Variants in DPP6 observed in about 807,000 individuals in gnomAD.
The protein encoded by DPP6 is A-type potassium channel modulatory protein DPP6.
Under a neutral mutation model 122.6 loss-of-function variants are expected in DPP6, and 69 were observed. The observed-to-expected ratio is 0.56, with a 90% CI of 0.46 to 0.69. The LOEUF (loss-of-function observed/expected upper bound fraction) is 0.69, where lower values mean the gene tolerates loss of function less well. Ranked by LOEUF, DPP6 falls within the 30% of genes least tolerant of loss-of-function variation. The pLI is 0.00. For missense variants in DPP6, 928 were observed against 1,116.9 expected (o/e 0.83, Z 2.41); for synonymous variants, 418 against 433.1 (o/e 0.97, Z 0.43).
At chr7:154,779,030 AC>A (rs1563201072) in intron 10 of DPP6, among the ~76,000 whole-genome samples, 10 of 138,070 alleles carry the variant, frequency 7.2e-5, no homozygotes, top group South Asian at 2.3e-4. Flanking sequence ...CATCACCTCC[AC>A]CACCACCACC....
intron 1 of DPP6, among the ~76,000 whole-genome samples, chr7:153,975,010 G>A (rs1247324996): frequency 6.6e-6 from 1 of 152,162 alleles, no homozygotes; most frequent in Non-Finnish European, 1.5e-5. Context: ...TTCGAATCCT[G>A]TTTCAGGGAA....
chr7:154,357,275 CTTTT>C (rs35476633), intron 1 of DPP6, among the ~76,000 whole-genome samples: 1 of 120,880 alleles, frequency 8.3e-6, no homozygotes. Flanking sequence ...TAATGTGGGG[CTTTT>C]TTTTTTTTTT....
At chr7:154,786,210 C>CT (rs1284221158) in intron 10 of DPP6, among the ~76,000 whole-genome samples, 2 of 152,162 alleles carry the variant, frequency 1.3e-5, no homozygotes, top group Admixed American at 6.5e-5. Flanking sequence ...AAAAATGTCT[C>CT]TTTTTTCACA....
intron 1 of DPP6, among the ~76,000 whole-genome samples, chr7:153,919,271 T>A (rs1443787950): frequency 6.6e-6 from 1 of 152,124 alleles, no homozygotes; most frequent in Non-Finnish European, 1.5e-5. Context: ...CTTGCACCAG[T>A]GGAAGATTGG....
chr7:154,154,998 C>T (rs1035219690), intron 1 of DPP6, among the ~76,000 whole-genome samples: 7 of 152,134 alleles, frequency 4.6e-5, no homozygotes, highest in Non-Finnish European at 1.0e-4. Context: ...CTGGGCAGCC[C>T]TGGGCTGTGG....
At chr7:154,308,314 T>TAAA (rs5888568) in intron 1 of DPP6, among the ~76,000 whole-genome samples, 8,559 of 151,298 alleles carry the variant, frequency 0.057, 379 homozygotes, top group African/African-American at 0.12. Flanking sequence ...CCGTGTTTGC[T>TAAA]AAAAAAAATG....
chr7:154,094,795 T>A (rs780533433), intron 1 of DPP6: 13 of 152,210 alleles, frequency 8.5e-5, no homozygotes, highest in Non-Finnish European at 1.9e-4. Flanking sequence ...GCCTTCTTGT[T>A]GGCAGGCCTC....
intron 5 of DPP6, among the ~76,000 whole-genome samples, chr7:154,611,855 A>G (rs3220435): frequency 0.031 from 2,257 of 72,396 alleles, 55 homozygotes; most frequent in African/African-American, 0.073. Flanking sequence ...GCTTTCATAT[A>G]TGTGTGTGTG....
At chr7:154,652,236 GCAT>G in intron 6 of DPP6, among the ~76,000 whole-genome samples, 1 of 151,776 alleles carries the variant, frequency 6.6e-6, no homozygotes, top group Non-Finnish European at 1.5e-5. Flanking sequence ...ATTAGCCATA[GCAT>G]CAAAATCACT....
At chr7:154,408,458 A>G (rs1816304782) in intron 1 of DPP6, among the ~76,000 whole-genome samples, 2 of 152,070 alleles carry the variant, frequency 1.3e-5, no homozygotes, top group African/African-American at 4.8e-5. Context: ...TTCAATATAT[A>G]TTTTTATATT....
At chr7:154,046,097 G>A (rs1280014783) in intron 1 of DPP6, among the ~76,000 whole-genome samples, 1 of 152,194 alleles carries the variant, frequency 6.6e-6, no homozygotes, top group East Asian at 1.9e-4. Context: ...CACTGGGCTC[G>A]GCTAAGAGAC....
intron 1 of DPP6, among the ~76,000 whole-genome samples, chr7:154,431,750 G>C (rs1009984491): frequency 6.6e-6 from 1 of 151,900 alleles, no homozygotes. Context: ...GGTCAGGCTG[G>C]TCTCAAACTC....
At chr7:154,425,630 GTGTGTGTGTGTGT>G (rs1817850014) in intron 1 of DPP6, among the ~76,000 whole-genome samples, 2 of 133,404 alleles carry the variant, frequency 1.5e-5, no homozygotes, top group East Asian at 3.4e-4. Flanking sequence ...GGGTGTGTGT[GTGTGTGTGTGTGT>G]GTGTGTGTGT....
In DPP6 at chr7:154,876,279, TCTC is replaced by T. The variant is rs1333310184; in HGVS notation, c.2078+182_2078+184del. On this transcript the variant is annotated intron_variant, in intron 20 of 25. Transcript: ENST00000377770. ...AGTTTCAAAGGAAACTTAGGAATCT[TCTC>T]CTAGGGACATTTATAACTAGTTTTC... is the stretch of plus-strand genomic sequence containing the variant. 4 of 1,110,182 alleles carry T rather than the reference TCTC, an allele frequency of 3.6e-6. No individual in the cohort carries two copies. The African/African-American group carries it at 4.8e-5, about 13-fold the overall frequency. 68.8% of individuals were successfully genotyped at this position (1,110,182 alleles called of 1,614,324 possible). A position where few individuals can be genotyped will look rare whatever the true frequency, so the allele number is the denominator to read the frequency against.
chr7:153,990,910 A>T (rs2533609), intron 1 of DPP6, among the ~76,000 whole-genome samples: 10,267 of 127,930 alleles, frequency 0.08, no homozygotes, highest in African/African-American at 0.15. Flanking sequence ...TGTTCAAATC[A>T]TATGTCTCTT....
chr7:154,602,297 G>C lies in DPP6; in HGVS notation c.627+35381G>C. Among the ~76,000 whole-genome samples, 2 of 119,804 alleles carry C rather than the reference G, an allele frequency of 1.7e-5. 1 individual carries two copies. The highest frequency in any genetic ancestry group is 3.8e-5 in the Non-Finnish European group (2 of 53,208). 78.6% of individuals were successfully genotyped at this position (119,804 alleles called of 152,430 possible). On this transcript the variant is annotated intron_variant, in intron 5 of 25. Transcript: ENST00000377770. ...ATACCATCCTTTCTGATATTTTGTT[G>C]TTCATTTCATTTCTACATATGTTTA...
At chr7:154,287,797 G>A (rs1273842840) in intron 1 of DPP6, among the ~76,000 whole-genome samples, 1 of 152,178 alleles carries the variant, frequency 6.6e-6, no homozygotes, top group Non-Finnish European at 1.5e-5. Context: ...AATCCAGGGA[G>A]GAGAGGTGAG....
chr7:153,846,856 C>T, the DPP6 span, among the ~76,000 whole-genome samples: 6 of 152,052 alleles, frequency 3.9e-5, no homozygotes, highest in African/African-American at 1.4e-4. Context: ...CCACGCCTGG[C>T]TAATTTCTTT....
At chr7:154,531,849 G>A (rs1271790390) in intron 3 of DPP6, among the ~76,000 whole-genome samples, 1 of 151,968 alleles carries the variant, frequency 6.6e-6, no homozygotes, top group African/African-American at 2.4e-5. Flanking sequence ...TCTGGACTTT[G>A]AAAATTTAAT....
Sources: gnomAD v4.1 joint callset for allele counts (sites outside exome capture counted in the v4.1 genomes callset) on GRCh38, gnomAD v4.1.1 for gene constraint, MANE v1.5 for transcripts, NCBI Gene and HGNC (gene_info 2026-07-23, HGNC 2026-07-21) for gene names.